The following EIF3B variants were observed in gnomAD, a reference collection of about 807,000 sequenced individuals.
EIF3B encodes eukaryotic translation initiation factor 3 subunit 9.
In EIF3B, 10 loss-of-function variants were observed where a neutral mutation model predicts 104.6. That is an observed-to-expected ratio of 0.10 (90% CI 0.06 to 0.16). The LOEUF is 0.16. Ranked by LOEUF, EIF3B falls within the 10% of genes least tolerant of loss-of-function variation. EIF3B has a pLI of 1.00. For synonymous variants in EIF3B, 542 were observed against 417.2 expected (o/e 1.30, Z -3.65); for missense variants, 1,014 against 1,087.9 (o/e 0.93, Z 0.96).
intron 8 of EIF3B, 168 bp from the exon 9 acceptor site, chr7:2,366,831 G>T (rs1015555732): frequency 1.2e-6 from 1 of 830,898 alleles, no homozygotes; most frequent in Non-Finnish European, 1.9e-6. Flanking sequence ...CTTCAGAACT[G>T]CAGTTCTGGG....
intron 2 of EIF3B, 37 bp downstream of exon 2, chr7:2,360,939 C>G: frequency 6.5e-7 from 1 of 1,532,916 alleles, no homozygotes; most frequent in South Asian, 1.2e-5. Context: ...TCATCTGTGT[C>G]TGGCACGTCA....
intron 3 of EIF3B, 120 bp downstream of exon 3, chr7:2,362,884 A>T: frequency 6.6e-7 from 1 of 1,505,546 alleles, no homozygotes; most frequent in Non-Finnish European, 9.1e-7. Flanking sequence ...CTTTCTGGTC[A>T]GGCTGCCGCA....
chr7:2,379,209 G>C lies in EIF3B; in HGVS notation c.2308G>C (p.Glu770Gln), dbSNP rs1241483705. ...YRKMAQELYM[E>Q]QKNERLELRG... ...GAAAATGGCCCAGGAGCTCTATATG[G>C]AGCAGAAAAACGAGCGCCTGGAGTT... The change falls in exon 17 of 19, where the codon GAG (glutamate) becomes CAG (glutamine). Residue 770 changes from glutamate to glutamine, a missense_variant. Physicochemically the swap from Glu to Gln is conservative, Grantham distance 29 (BLOSUM62 2). Coordinates refer to ENST00000360876, the MANE Select transcript of EIF3B (RefSeq NM_001037283.2). The C allele has an allele frequency of 6.2e-7, 1 of 1,613,610 alleles. No homozygotes were observed. Among genetic ancestry groups the C allele is most frequent in the Admixed American group, 1.7e-5 (1 of 59,944 alleles).
chr7:2,354,792 C>CGG (rs1218711226), upstream of EIF3B: 3 of 937,374 alleles, frequency 3.2e-6, no homozygotes, highest in African/African-American at 5.6e-5. Flanking sequence ...GCCCCCCGCC[C>CGG]CGCGGCCTTG....
At chr7:2,375,583 A>G (rs1780585823) in intron 14 of EIF3B, 56 bp downstream of exon 14, 2 of 1,609,820 alleles carry the variant, frequency 1.2e-6, no homozygotes, top group Admixed American at 1.7e-5. Flanking sequence ...AGTGCTGGCT[A>G]GCTGCTGACT....
chr7:2,362,847 G>T, intron 3 of EIF3B, 83 bp downstream of exon 3: 2 of 1,580,364 alleles, frequency 1.3e-6, no homozygotes, highest in Admixed American at 1.7e-5. Context: ...GCTTCTCGGT[G>T]CTGGTGTCTG....
At chr7:2,377,563 A>C (rs1482004650) in intron 15 of EIF3B, among the ~76,000 whole-genome samples, 1 of 109,902 alleles carries the variant, frequency 9.1e-6, no homozygotes, top group Non-Finnish European at 1.8e-5. Flanking sequence ...CGCTCCTGGG[A>C]TGCTGTGTTC....
chr7:2,380,234 G>C lies in EIF3B; in HGVS notation c.*45G>C. ...GGACTCCGCCTGCTGTTCCCGCGCT[G>C]AGCTACAGGACTCCCGAGTGTGAGC... On this transcript the variant is annotated 3_prime_UTR_variant, in exon 19 of 19. Transcript: ENST00000360876. 1 of 444,642 alleles carries C rather than the reference G, an allele frequency of 2.2e-6. No individual in the cohort carries two copies. Among genetic ancestry groups the C allele is most frequent in the South Asian group, 1.6e-5 (1 of 60,664 alleles). The allele number at this position is 444,642 out of a possible 1,614,324, so 27.5% of individuals were successfully genotyped here.
chr7:2,375,344 G>A (rs1780573223), intron 13 of EIF3B, 45 bp from the exon 14 acceptor site: 5 of 1,608,416 alleles, frequency 3.1e-6, no homozygotes, highest in East Asian at 2.2e-5. Flanking sequence ...GATGCCAGGA[G>A]GTATGCGTCT....
At chr7:2,367,685 G>A (rs939834679) in intron 9 of EIF3B, among the ~76,000 whole-genome samples, 1 of 152,014 alleles carries the variant, frequency 6.6e-6, no homozygotes, top group African/African-American at 2.4e-5. Context: ...GGCTGGGCTG[G>A]TCTCAAACTC....
intron 15 of EIF3B, among the ~76,000 whole-genome samples, chr7:2,377,325 C>T (rs1481204710): frequency 1.3e-5 from 2 of 152,204 alleles, no homozygotes; most frequent in African/African-American, 4.8e-5. Context: ...AAAAAGATGC[C>T]AGGGCCATTA....
intron 16 of EIF3B, 111 bp downstream of exon 16, chr7:2,378,877 A>G (rs1780835804): frequency 5.0e-6 from 5 of 997,868 alleles, no homozygotes; most frequent in Non-Finnish European, 7.6e-6. Context: ...TGCTCCGAAG[A>G]CACTGGTTCT....
Position 2,363,681 on chromosome 7 carries a change from G to A in EIF3B, c.920G>A (p.Ser307Asn). 1 of 1,614,126 alleles carries A rather than the reference G, an allele frequency of 6.2e-7. No homozygotes were observed. The highest frequency in any genetic ancestry group is 8.5e-7 in the Non-Finnish European group (1 of 1,179,980). Residue 307 changes from serine to asparagine, a missense_variant, in exon 5 of 19, where the codon AGT (serine) becomes AAT (asparagine). Around this residue, in one of 4 missense-constraint regions of EIF3B, gnomAD observed 201 missense variants for 240.7 expected, o/e 0.83. Transcript: ENST00000360876. The stretch of plus-strand genomic sequence containing the variant: ...GAGGCAGAATGCAGAGATCAGTACA[G>A]TGTGATTTTTGAGAGTGGAGACCGC... ...LEEAECRDQY[S>N]VIFESGDRTS...
At chr7:2,363,003 G>C in intron 3 of EIF3B, 67 bp from the exon 4 acceptor site, 2 of 1,574,600 alleles carry the variant, frequency 1.3e-6, no homozygotes, top group Non-Finnish European at 1.7e-6. Context: ...GGCCATGCTG[G>C]AGCCCCCACG....
intron 5 of EIF3B, 126 bp downstream of exon 5, chr7:2,363,886 C>G (rs577464743): frequency 4.5e-5 from 49 of 1,082,238 alleles, no homozygotes; most frequent in Non-Finnish European, 5.9e-5. Flanking sequence ...AGATTACTTT[C>G]TGAAAACAAC....
intron 15 of EIF3B, 84 bp from the exon 16 acceptor site, chr7:2,378,605 C>CAT (rs1045196860): frequency 5.7e-6 from 7 of 1,228,134 alleles, no homozygotes; most frequent in Non-Finnish European, 7.1e-6. Context: ...CTTTGGGTGT[C>CAT]ATGTCATGTT....
intron 13 of EIF3B, 78 bp downstream of exon 13, chr7:2,374,684 C>G: frequency 7.4e-7 from 1 of 1,346,772 alleles, no homozygotes; most frequent in Non-Finnish European, 1.0e-6. Context: ...GCGCCTGCAC[C>G]CGGCTTCTTG....
intron 3 of EIF3B, 104 bp downstream of exon 3, chr7:2,362,868 C>T (rs1779814016): frequency 6.5e-7 from 1 of 1,543,360 alleles, no homozygotes; most frequent in Admixed American, 1.8e-5. Flanking sequence ...TCAGATTGTT[C>T]ACATCCTTTC....
Position 2,379,291 on chromosome 7 carries a change from C to T in EIF3B, c.2341+49C>T, listed in dbSNP as rs560713526. 1.9e-6 allele frequency: 3 copies of T among 1,574,702 alleles called. No homozygotes were observed. In the South Asian group the frequency reaches 3.4e-5, roughly 18 times the overall value. On this transcript the variant is annotated intron_variant, in intron 17 of 18. Coordinates refer to ENST00000360876, the MANE Select transcript of EIF3B (RefSeq NM_001037283.2). ...CCAGGAGCTGGCCCTTACGCTGCCC[C>T]TGGGCCCTGGTGCCCGCGGACTCCT...
Sources: gnomAD v4.1 joint callset for allele counts (sites outside exome capture counted in the v4.1 genomes callset) on GRCh38, gnomAD v4.1.1 for gene constraint, gnomAD v4.1.1 regional missense constraint, MANE v1.5 for transcripts, NCBI Gene and HGNC (gene_info 2026-07-23, HGNC 2026-07-21) for gene names.